The following LNX1 variants were observed in gnomAD, a reference collection of about 807,000 sequenced individuals.
LNX1 encodes the protein ligand of numb-protein X 1, also known as E3 ubiquitin-protein ligase LNX.
In LNX1, 54 loss-of-function variants were observed where a neutral mutation model predicts 68.4. The ratio of observed to expected loss-of-function variants is 0.79; its 90% CI spans 0.63 to 0.99. LNX1 has a LOEUF of 0.99. Among genes scored for constraint, LNX1 ranks in the 50% least tolerant of loss-of-function variants. LNX1 has a pLI of 0.00. For synonymous variants in LNX1, 336 were observed against 350.0 expected, an observed-to-expected ratio of 0.96 and a Z score of 0.45; for missense variants, 906 against 926.4, an observed-to-expected ratio of 0.98 and a Z score of 0.29.
chr4:53,576,444 C>T, intron 1 of LNX1: 1 of 1,417,688 alleles, frequency 7.1e-7, no homozygotes, highest in South Asian at 1.8e-5. Context: ...TCAGATGGTG[C>T]CAAAGTGCAG....
At position 53,508,038 on chromosome 4, in the gene LNX1, G is replaced by A. The variant is rs1013200223; in HGVS notation, c.570C>T (p.Asp190=). 1 of 1,614,054 alleles carries A rather than the reference G, an allele frequency of 6.2e-7. No individual in the cohort carries two copies. The highest frequency in any genetic ancestry group is 1.6e-4 in the Middle Eastern group (1 of 6,062). Residue 190 remains aspartate (D), a synonymous_variant, in exon 3 of 11, where the codon GAC becomes GAT. Coordinates refer to ENST00000263925, the MANE Select transcript of LNX1 (RefSeq NM_001126328.3). ...DNPAYVSSAE[D]GQPAISPVDS... ...CCACTGGGCTGATTGCTGGCTGCCC[G>A]TCCTCTGCCGAGGACACGTAGGCAG...
chr4:53,607,682 AG>A (rs1291277397), intron 2 of LNX1, among the ~76,000 whole-genome samples: 3 of 152,236 alleles, frequency 2.0e-5, no homozygotes, highest in African/African-American at 7.2e-5. Context: ...CTAAGCAAAA[AG>A]AACAAAGCTG....
chr4:53,645,744 A>G (rs1265680853), intron 1 of LNX1, among the ~76,000 whole-genome samples: 1 of 152,168 alleles, frequency 6.6e-6, no homozygotes, highest in African/African-American at 2.4e-5. Flanking sequence ...AGTTTAGTTT[A>G]GGTGAAGTAT....
At position 53,481,718 on chromosome 4, in the gene LNX1, A is replaced by G; in HGVS notation, c.1485+2T>C. 6.2e-7 allele frequency: 1 copy of G among 1,613,062 alleles called. No homozygotes were observed. Among genetic ancestry groups the G allele is most frequent in the Non-Finnish European group, 8.5e-7 (1 of 1,179,434 alleles). ...GCAGGCGACCTGCCCTAGAGGCCTC[A>G]CCTTGGGAGTGTTGCTCCTCTCCCC... is the stretch of plus-strand genomic sequence containing the variant. On this transcript the variant is annotated splice_donor_variant, in intron 7 of 10. Transcript: ENST00000263925. LOFTEE classifies it high-confidence loss of function.
chr4:53,598,109 C>T (rs961415691), intron 2 of LNX1, among the ~76,000 whole-genome samples: 1 of 152,218 alleles, frequency 6.6e-6, no homozygotes, highest in Non-Finnish European at 1.5e-5. Context: ...TATTATTCCT[C>T]CATCTGCAGG....
At chr4:53,566,415 G>A (rs949330048) in intron 2 of LNX1, among the ~76,000 whole-genome samples, 10 of 152,020 alleles carry the variant, frequency 6.6e-5, no homozygotes, top group Admixed American at 6.5e-4. Flanking sequence ...AGAAGTGAAG[G>A]AGAAAGAAAA....
intron 6 of LNX1, among the ~76,000 whole-genome samples, chr4:53,488,058 A>T (rs1436463090): frequency 6.6e-6 from 1 of 152,240 alleles, no homozygotes; most frequent in Non-Finnish European, 1.5e-5. Flanking sequence ...TTAGAAAGTC[A>T]CAGACACACA....
chr4:53,481,540 T>G (rs1337169884), intron 7 of LNX1, among the ~76,000 whole-genome samples, 180 bp downstream of exon 7: 1 of 152,244 alleles, frequency 6.6e-6, no homozygotes, highest in Non-Finnish European at 1.5e-5. Flanking sequence ...CCTGCTTGGA[T>G]GGGAGACACC....
At chr4:53,542,494 C>T (rs1373405249) in intron 2 of LNX1, among the ~76,000 whole-genome samples, 7 of 152,116 alleles carry the variant, frequency 4.6e-5, no homozygotes, top group South Asian at 2.1e-4. Context: ...TCCTAACAAT[C>T]ACCATCACAT....
At chr4:53,599,509 A>G (rs1390894972) in intron 2 of LNX1, among the ~76,000 whole-genome samples, 1 of 152,214 alleles carries the variant, frequency 6.6e-6, no homozygotes, top group African/African-American at 2.4e-5. Context: ...TGCTCTGTCT[A>G]TGGAGTAGCC....
chr4:53,639,996 A>T (rs1327000127), intron 1 of LNX1, among the ~76,000 whole-genome samples: 5 of 152,120 alleles, frequency 3.3e-5, no homozygotes, highest in Non-Finnish European at 7.4e-5. Flanking sequence ...TGCACCACTG[A>T]ACAGCACTCC....
chr4:53,465,665 A>C (rs1722624639), intron 9 of LNX1, among the ~76,000 whole-genome samples: 1 of 152,264 alleles, frequency 6.6e-6, no homozygotes, highest in Non-Finnish European at 1.5e-5. Flanking sequence ...ATTGCCAAAG[A>C]ACTTTTTAAA....
chr4:53,569,920 C>A (rs1483046143), intron 2 of LNX1, among the ~76,000 whole-genome samples: 2 of 151,246 alleles, frequency 1.3e-5, no homozygotes, highest in Non-Finnish European at 1.5e-5. Flanking sequence ...AAAATGCTCA[C>A]CATCACTGGC....
upstream of LNX1, among the ~76,000 whole-genome samples, chr4:53,595,249 G>A (rs1732697811): frequency 4.6e-5 from 7 of 152,106 alleles, no homozygotes; most frequent in Admixed American, 4.6e-4. Flanking sequence ...TGTGTGGTGG[G>A]GGAGAAGAGG....
intron 9 of LNX1, among the ~76,000 whole-genome samples, chr4:53,472,126 G>T (rs1196702316): frequency 6.6e-6 from 1 of 152,118 alleles, no homozygotes; most frequent in African/African-American, 2.4e-5. Flanking sequence ...AGAAAACGTG[G>T]TACATATACA....
intron 2 of LNX1, among the ~76,000 whole-genome samples, chr4:53,535,261 G>T (rs2109635008): frequency 1.3e-5 from 2 of 152,254 alleles, no homozygotes; most frequent in Admixed American, 1.3e-4. Flanking sequence ...TGGAGACCAG[G>T]CTTTGTTGTT....
chr4:53,490,202 G>C lies in LNX1; in HGVS notation c.1350+5821C>G, dbSNP rs548192867. On this transcript the variant is annotated intron_variant, in intron 6 of 10. Transcript: ENST00000263925. Reference sequence around the variant, plus strand: ...CCCTATTATCATTGGCTCTAGAAATGGCTTTGAGTATTTTCAGTTTCTGCA... The same window carrying C: ...CCCTATTATCATTGGCTCTAGAAATCGCTTTGAGTATTTTCAGTTTCTGCA... Among the ~76,000 whole-genome samples, 7 of 152,282 alleles carry C rather than the reference G, an allele frequency of 4.6e-5. No homozygotes were observed. The East Asian group carries it at 9.6e-4, about 21-fold the overall frequency.
chr4:53,502,313 TG>T (rs11345850), intron 4 of LNX1, among the ~76,000 whole-genome samples: 82,238 of 151,922 alleles, frequency 0.54, 23,987 homozygotes, highest in Non-Finnish European at 0.65. Flanking sequence ...TGAGATATTG[TG>T]GGTTTGGTTC....
intron 2 of LNX1, among the ~76,000 whole-genome samples, chr4:53,524,695 G>A (rs1270500425): frequency 1.3e-5 from 2 of 152,184 alleles, no homozygotes; most frequent in South Asian, 2.1e-4. Context: ...GAGACTACAA[G>A]TAAGGTTTAG....
Sources: gnomAD v4.1 joint callset for allele counts (sites outside exome capture counted in the v4.1 genomes callset) on GRCh38, gnomAD v4.1.1 for gene constraint, MANE v1.5 for transcripts, NCBI Gene and HGNC (gene_info 2026-07-23, HGNC 2026-07-21) for gene names.